Variants in NOVA1 observed in about 807,000 individuals in gnomAD.
The protein encoded by NOVA1 is RNA-binding protein Nova-1.
Under a neutral mutation model 38.0 loss-of-function variants are expected in NOVA1, and 7 were observed. That is an observed-to-expected ratio of 0.18 (90% confidence interval 0.10 to 0.35). The LOEUF (loss-of-function observed/expected upper bound fraction) is 0.35. NOVA1 is among the 10% of genes least tolerant of loss of function. The probability of loss-of-function intolerance (pLI) is 1.00; values close to 1 mark genes in which losing one functional copy is unlikely to be tolerated. For missense variants in NOVA1, 460 were observed against 616.0 expected (o/e 0.75, Z 2.68); for synonymous variants, 270 against 232.5 (o/e 1.16, Z -1.47).
intron 2 of NOVA1, among the ~76,000 whole-genome samples, chr14:26,535,388 T>C (rs1889992723): frequency 6.6e-6 from 1 of 152,070 alleles, no homozygotes; most frequent in African/African-American, 2.4e-5. Flanking sequence ...TTTAAGTTTG[T>C]AGAGAAAAAG....
Position 26,595,453 on chromosome 14 carries a change from A to G in NOVA1, c.237T>C (p.Thr79=), listed in dbSNP as rs115769795. Residue 79 remains threonine (T), a synonymous_variant, in exon 2 of 5, where the codon ACT becomes ACC. Transcript: ENST00000539517. ...ACTTAGACAGCTTGATGGTGGCTCCAGTTTCTTTTTGCAACTGAACAATTG... is the reference window on the plus strand; with the variant it reads ...ACTTAGACAGCTTGATGGTGGCTCCGGTTTCTTTTTGCAACTGAACAATTG... The part of the protein sequence containing the change: ...GQTIVQLQKE[T]GATIKLSKSK... 857 of 1,613,978 alleles carry G rather than the reference A, an allele frequency of 5.3e-4. 6 individuals carry two copies. In the African/African-American group the frequency reaches 0.01, roughly 19 times the overall value.
At chr14:26,547,569 G>T (rs902647756) in intron 2 of NOVA1, among the ~76,000 whole-genome samples, 1 of 151,978 alleles carries the variant, frequency 6.6e-6, no homozygotes, top group Non-Finnish European at 1.5e-5. Flanking sequence ...AAAATAACTT[G>T]TATAATTTAA....
chr14:26,561,272 A>T (rs1032194861), intron 2 of NOVA1, among the ~76,000 whole-genome samples: 1 of 152,212 alleles, frequency 6.6e-6, no homozygotes, highest in African/African-American at 2.4e-5. Context: ...GAATAAGCTG[A>T]ATAAGTTTGA....
chr14:26,528,489 G>T (rs1052782530), intron 2 of NOVA1, among the ~76,000 whole-genome samples: 1 of 152,154 alleles, frequency 6.6e-6, no homozygotes, highest in African/African-American at 2.4e-5. Flanking sequence ...TGAAACAATT[G>T]CTGCAGGGAC....
intron 4 of NOVA1, among the ~76,000 whole-genome samples, chr14:26,469,350 A>T (rs1884406555): frequency 6.6e-6 from 1 of 152,224 alleles, no homozygotes; most frequent in Non-Finnish European, 1.5e-5. Context: ...TTTAGAGTTG[A>T]AAAAACAGCC....
intron 2 of NOVA1, among the ~76,000 whole-genome samples, chr14:26,510,659 T>C (rs1169663704): frequency 6.6e-6 from 1 of 152,110 alleles, no homozygotes; most frequent in East Asian, 1.9e-4. Context: ...GAGAAAGTGT[T>C]TCACTGCTTT....
chr14:26,544,165 C>G (rs1890643416), intron 2 of NOVA1, among the ~76,000 whole-genome samples: 1 of 151,530 alleles, frequency 6.6e-6, no homozygotes, highest in African/African-American at 2.4e-5. Context: ...AGGAACTTAC[C>G]TAAAGGACTA....
In NOVA1 at chr14:26,598,020, G is replaced by A. The variant is rs1349047942; in HGVS notation, c.-584C>T. Among the ~76,000 whole-genome samples the A allele has an allele frequency of 6.6e-6, 1 of 150,410 alleles. No homozygotes were observed. Among genetic ancestry groups the A allele is most frequent in the Non-Finnish European group, 1.5e-5 (1 of 67,530 alleles). ...TGCTGGTGCTGCCGCCGCCGCCGCTGCCGGAGCGGTTCTGCCGTTGCCTGG... is the reference window on the plus strand; with the variant it reads ...TGCTGGTGCTGCCGCCGCCGCCGCTACCGGAGCGGTTCTGCCGTTGCCTGG... On this transcript the variant is annotated 5_prime_UTR_variant, in exon 1 of 5. Transcript: ENST00000539517.
rs955702605 is a variant in NOVA1 at position 26,443,308 on chromosome 14, G to A, written c.*4651C>T. On this transcript the variant is annotated 3_prime_UTR_variant, in exon 5 of 5. Coordinates refer to ENST00000539517, the MANE Select transcript of NOVA1 (RefSeq NM_002515.3). ...TAAAAAACTATTTAAAAAAAATTCGGCACATACACGTTAAATATTTTTCCT... is the reference window on the plus strand; with the variant it reads ...TAAAAAACTATTTAAAAAAAATTCGACACATACACGTTAAATATTTTTCCT... The A allele has an allele frequency of 1.3e-5, 2 of 151,468 alleles. No individual in the cohort carries two copies. Among genetic ancestry groups the A allele is most frequent in the African/African-American group, 4.8e-5 (2 of 41,252 alleles). The allele number at this position is 151,468 out of a possible 1,614,324, so 9.4% of individuals were successfully genotyped here. A position where few individuals can be genotyped will look rare whatever the true frequency, so the allele number is the denominator to read the frequency against.
intron 2 of NOVA1, among the ~76,000 whole-genome samples, chr14:26,503,022 T>C (rs1041420874): frequency 2.0e-5 from 3 of 152,076 alleles, no homozygotes; most frequent in African/African-American, 7.2e-5. Context: ...TTTAGTCTCC[T>C]ACCAGCAATG....
At chr14:26,548,248 C>A (rs111226134) in intron 2 of NOVA1, among the ~76,000 whole-genome samples, 2 of 151,930 alleles carry the variant, frequency 1.3e-5, no homozygotes, top group South Asian at 2.1e-4. Flanking sequence ...ACACTACTAA[C>A]CCTGAATTAA....
chr14:26,580,402 G>A (rs1266747099), intron 2 of NOVA1, among the ~76,000 whole-genome samples: 2 of 152,034 alleles, frequency 1.3e-5, no homozygotes, highest in Non-Finnish European at 2.9e-5. Context: ...TTTCACATGA[G>A]ATTATTATAA....
At chr14:26,596,841 ACT>A in intron 1 of NOVA1, 2 of 1,091,708 alleles carry the variant, frequency 1.8e-6, no homozygotes, top group South Asian at 2.2e-5. Flanking sequence ...GAGAGGAAAA[ACT>A]CTCCGGCGCC....
chr14:26,583,614 T>C (rs979340770), intron 2 of NOVA1, among the ~76,000 whole-genome samples: 2 of 151,536 alleles, frequency 1.3e-5, no homozygotes, highest in African/African-American at 4.8e-5. Flanking sequence ...TTTAATCTCA[T>C]TTTCTAAATG....
At chr14:26,516,379 G>GT (rs1191598896) in intron 2 of NOVA1, among the ~76,000 whole-genome samples, 2 of 151,740 alleles carry the variant, frequency 1.3e-5, no homozygotes, top group South Asian at 2.1e-4. Context: ...CCAATTTATT[G>GT]TTTTTTTTCC....
chr14:26,501,866 C>T (rs962344370), intron 2 of NOVA1, among the ~76,000 whole-genome samples: 6 of 151,870 alleles, frequency 4.0e-5, no homozygotes, highest in African/African-American at 1.4e-4. Flanking sequence ...AAGTATTCTA[C>T]TATTCTTTTC....
intron 4 of NOVA1, among the ~76,000 whole-genome samples, chr14:26,465,801 T>C (rs549005119): frequency 3.9e-4 from 59 of 152,304 alleles, no homozygotes; most frequent in African/African-American, 1.3e-3. Context: ...TCCAGGCTAG[T>C]GCTTCACATA....
chr14:26,508,687 G>C (rs545721770), intron 2 of NOVA1, among the ~76,000 whole-genome samples: 2 of 152,002 alleles, frequency 1.3e-5, no homozygotes, highest in East Asian at 3.9e-4. Context: ...TCATAGAGTT[G>C]ATGAAAACTA....
intron 2 of NOVA1, among the ~76,000 whole-genome samples, chr14:26,554,115 T>C (rs1479363824): frequency 7.1e-6 from 1 of 140,828 alleles, no homozygotes; most frequent in Admixed American, 7.5e-5. Flanking sequence ...CACCACTGCA[T>C]TCCAGCACGG....
Sources: gnomAD v4.1 joint callset for allele counts (sites outside exome capture counted in the v4.1 genomes callset) on GRCh38, gnomAD v4.1.1 for gene constraint, MANE v1.5 for transcripts, NCBI Gene and HGNC (gene_info 2026-07-23, HGNC 2026-07-21) for gene names.